Variants in CR1 observed in about 807,000 individuals in gnomAD.
CR1 encodes the protein complement receptor type 1.
A neutral mutation model predicts 187.3 loss-of-function variants in CR1; 116 were observed. The observed-to-expected ratio is 0.62, with a 90% CI of 0.53 to 0.72. The LOEUF is 0.72. Among genes scored for constraint, CR1 ranks in the 30% least tolerant of loss-of-function variants. The pLI, the probability that CR1 is intolerant of heterozygous loss-of-function variation, is 0.00. For synonymous variants in CR1, 576 were observed against 747.1 expected, an observed-to-expected ratio of 0.77 and a Z score of 3.73; for missense variants, 1,731 against 2,110.7, an observed-to-expected ratio of 0.82 and a Z score of 3.52.
chr1:207,612,951 G>T (rs1166140442), intron 39 of CR1, among the ~76,000 whole-genome samples: 1 of 152,244 alleles, frequency 6.6e-6, no homozygotes, highest in Non-Finnish European at 1.5e-5. Flanking sequence ...ATGACAGTGT[G>T]CTTAACAGCT....
chr1:207,635,779 C>T (rs1271826840), intron 46 of CR1, among the ~76,000 whole-genome samples: 1 of 152,196 alleles, frequency 6.6e-6, no homozygotes, highest in African/African-American at 2.4e-5. Context: ...GTCCCTGCTG[C>T]CTTCTGCAGT....
Position 207,614,448 on chromosome 1 carries a change from G to T in CR1, c.6620G>T (p.Gly2207Val). 5 of 1,611,804 alleles carry T rather than the reference G, an allele frequency of 3.1e-6. No individual in the cohort carries two copies. The highest frequency in any genetic ancestry group is 4.2e-6 in the Non-Finnish European group (5 of 1,178,512). The change falls in exon 40 of 47, where the codon GGA becomes GTA. Residue 2207 changes from glycine to valine, a missense_variant. Physicochemically the swap from Gly to Val is moderately radical, Grantham distance 109 (BLOSUM62 -3). Transcript: ENST00000367049. Reference sequence around the variant, plus strand: ...TCTGCTAGTCATTGTGTCTTGGCTGGAATGAAAGCCCTTTGGAATAGCAGT... The same window carrying T: ...TCTGCTAGTCATTGTGTCTTGGCTGTAATGAAAGCCCTTTGGAATAGCAGT... ...GRSASHCVLAGMKALWNSSVP... is the reference protein window; with the variant it reads ...GRSASHCVLAVMKALWNSSVP...
At chr1:207,508,384 A>G (rs376703827) in intron 3 of CR1, among the ~76,000 whole-genome samples, 24 of 152,334 alleles carry the variant, frequency 1.6e-4, no homozygotes, top group African/African-American at 4.8e-4. Context: ...GAGGTTATCC[A>G]TGTATAGGGG....
At chr1:207,623,190 G>T (rs1487428164) in intron 45 of CR1, 122 bp downstream of exon 45, 3 of 677,234 alleles carry the variant, frequency 4.4e-6, no homozygotes, top group Non-Finnish European at 7.5e-6. Context: ...TTCTTATAAA[G>T]AAAGTCCTTG....
At chr1:207,618,884 T>C (rs1489617429) in intron 42 of CR1, among the ~76,000 whole-genome samples, 2 of 149,106 alleles carry the variant, frequency 1.3e-5, no homozygotes, top group African/African-American at 5.0e-5. Flanking sequence ...CTACTAAAAA[T>C]ACAAAAATTA....
At chr1:207,585,902 C>T (rs1018166845) in intron 33 of CR1, among the ~76,000 whole-genome samples, 7 of 151,930 alleles carry the variant, frequency 4.6e-5, no homozygotes, top group African/African-American at 9.7e-5. Flanking sequence ...CTTTGGAGGC[C>T]GAGGTGAGAG....
At chr1:207,496,490 C>G (rs1283655019) in intron 1 of CR1, 102 bp downstream of exon 1, 10 of 1,262,300 alleles carry the variant, frequency 7.9e-6, no homozygotes, top group South Asian at 1.6e-5. Context: ...TCTGCGCGCC[C>G]GGGTCCGAAG....
At chr1:207,517,009 G>A (rs1659828281) in intron 4 of CR1, among the ~76,000 whole-genome samples, 1 of 152,022 alleles carries the variant, frequency 6.6e-6, no homozygotes, top group Non-Finnish European at 1.5e-5. Flanking sequence ...GCTTTTAATA[G>A]TCCTCATAAA....
chr1:207,501,135 G>T (rs1659254064), intron 1 of CR1, among the ~76,000 whole-genome samples: 1 of 152,166 alleles, frequency 6.6e-6, no homozygotes, highest in Admixed American at 6.5e-5. Flanking sequence ...TCCTTTATAT[G>T]ATAGGATATA....
At chr1:207,623,472 C>G (rs1348221702) in intron 45 of CR1, among the ~76,000 whole-genome samples, 2 of 151,930 alleles carry the variant, frequency 1.3e-5, no homozygotes, top group African/African-American at 4.8e-5. Flanking sequence ...GTAATACCAG[C>G]TACTCGGGAG....
intron 39 of CR1, 36 bp downstream of exon 39, chr1:207,612,077 T>G (rs1661951764): frequency 1.3e-6 from 2 of 1,589,048 alleles, no homozygotes; most frequent in Non-Finnish European, 1.7e-6. Context: ...AAGGACTCAG[T>G]GTGGAGAATC....
At chr1:207,619,155 G>A (rs1166229685) in intron 42 of CR1, among the ~76,000 whole-genome samples, 1 of 150,478 alleles carries the variant, frequency 6.6e-6, no homozygotes, top group Admixed American at 6.6e-5. Flanking sequence ...GGCCAAGGTG[G>A]GCAGATCACC....
intron 24 of CR1, 134 bp downstream of exon 24, chr1:207,566,057 A>G: frequency 7.9e-7 from 1 of 1,260,966 alleles, no homozygotes; most frequent in Middle Eastern, 1.9e-4. Context: ...TATTTTAATA[A>G]TGTTTGGTTG....
chr1:207,628,788 T>C (rs1662559027), intron 45 of CR1, among the ~76,000 whole-genome samples: 1 of 152,206 alleles, frequency 6.6e-6, no homozygotes, highest in African/African-American at 2.4e-5. Context: ...TTTTACTGAG[T>C]TTGTTTTAGC....
At chr1:207,631,997 G>A (rs965656133) in intron 46 of CR1, among the ~76,000 whole-genome samples, 1 of 152,186 alleles carries the variant, frequency 6.6e-6, no homozygotes, top group African/African-American at 2.4e-5. Context: ...GGGGCCCCAG[G>A]AAAAGTAAAG....
chr1:207,622,188 G>A (rs144993056), intron 44 of CR1, among the ~76,000 whole-genome samples, 192 bp downstream of exon 44: 15 of 152,288 alleles, frequency 9.8e-5, no homozygotes, highest in East Asian at 5.8e-4. Context: ...AACTGGCATC[G>A]TCATATGCAT....
intron 1 of CR1, among the ~76,000 whole-genome samples, chr1:207,496,917 T>G (rs747580797): frequency 2.0e-5 from 3 of 152,200 alleles, no homozygotes; most frequent in Admixed American, 6.5e-5. Flanking sequence ...CAGGGCTATG[T>G]GTCCCCGAGT....
rs764321659 is a variant in CR1, at chr1:207,587,464, C to T, written c.5609C>T (p.Thr1870Ile). 12 of 1,613,822 alleles carry T rather than the reference C, an allele frequency of 7.4e-6. No individual in the cohort carries two copies. Among genetic ancestry groups the T allele is most frequent in the African/African-American group, 5.3e-5 (4 of 74,928 alleles). The change falls in exon 34 of 47, where the codon ACA becomes ATA. Residue 1870 changes from threonine (T) to isoleucine (I), a missense_variant. Transcript: ENST00000367049. ...AATGACTTTGAGTTTCCAGTCGGGA[C>T]ATCTTTGAATTATGAATGCCGTCCT... is the stretch of plus-strand genomic sequence containing the variant. ...PINDFEFPVG[T>I]SLNYECRPGY... is the part of the protein sequence containing the mutation.
rs544656275 is a variant in CR1 at position 207,615,674 on chromosome 1, C to T, written c.6662-901C>T. Among the ~76,000 whole-genome samples the T allele has an allele frequency of 2.6e-5, 4 of 152,220 alleles. No individual in the cohort carries two copies. In the South Asian group the frequency reaches 8.3e-4, roughly 32 times the overall value. ...TTTAATTTGTATTGTGTTAAAATAA[C>T]TTATAGAAATCAATTTGGATACCTT... On this transcript the variant is annotated intron_variant, in intron 40 of 46. Coordinates refer to ENST00000367049, the MANE Select transcript of CR1 (RefSeq NM_000651.6).
Sources: allele counts gnomAD v4.1 joint callset (sites outside exome capture counted in the v4.1 genomes callset), GRCh38; gene constraint gnomAD v4.1.1; transcripts MANE v1.5; gene names NCBI Gene and HGNC (gene_info 2026-07-23, HGNC 2026-07-21).